ITGA2: variants seen among roughly 807,000 people sequenced by gnomAD.
ITGA2 encodes integrin subunit alpha 2.
In ITGA2, 101 loss-of-function variants were observed where a neutral mutation model predicts 146.3. The ratio of observed to expected loss-of-function variants is 0.69; its 90% CI spans 0.59 to 0.81. The LOEUF is 0.81. Ranked by LOEUF, ITGA2 falls within the 40% of genes least tolerant of loss-of-function variation. The pLI is 0.00. For synonymous variants in ITGA2, 477 were observed against 487.1 expected, an observed-to-expected ratio of 0.98 and a Z score of 0.27; for missense variants, 1,281 against 1,402.7, an observed-to-expected ratio of 0.91 and a Z score of 1.39.
chr5:53,024,143 T>C (rs1158803783), intron 1 of ITGA2, among the ~76,000 whole-genome samples: 1 of 152,200 alleles, frequency 6.6e-6, no homozygotes, highest in East Asian at 1.9e-4. Flanking sequence ...TTAGCCTTCA[T>C]GAGTTTCAGT....
At chr5:53,070,803 C>T (rs1043419823) in intron 17 of ITGA2, among the ~76,000 whole-genome samples, 4 of 151,876 alleles carry the variant, frequency 2.6e-5, no homozygotes, top group South Asian at 4.2e-4. Flanking sequence ...AACTTCCAGC[C>T]GGAAATTTAT....
rs1030322513 is a variant in ITGA2 at position 53,087,133 on chromosome 5, T to C, written c.3348+92T>C. Reference sequence around the variant, plus strand: ...GGGATAGTCACTCTTCTTACCTACATGTATGTAGAAGTATCTTACTAAAAC... The same window carrying C: ...GGGATAGTCACTCTTCTTACCTACACGTATGTAGAAGTATCTTACTAAAAC... On this transcript the variant is annotated intron_variant, in intron 28 of 29. Transcript: ENST00000296585. The C allele has an allele frequency of 2.2e-5, 19 of 853,464 alleles. 1 individual carries two copies. Among genetic ancestry groups the C allele is most frequent in the Non-Finnish European group, 3.6e-5 (18 of 504,682 alleles). 52.9% of individuals were successfully genotyped at this position (853,464 alleles called of 1,614,324 possible).
chr5:53,003,793 G>C (rs1035082489), intron 1 of ITGA2, among the ~76,000 whole-genome samples: 1 of 151,974 alleles, frequency 6.6e-6, no homozygotes, highest in Non-Finnish European at 1.5e-5. Context: ...AATGGTCCTC[G>C]ACCATTCATT....
intron 1 of ITGA2, among the ~76,000 whole-genome samples, chr5:53,007,645 T>G (rs1168778215): frequency 6.6e-6 from 1 of 152,210 alleles, no homozygotes; most frequent in Admixed American, 6.5e-5. Flanking sequence ...TGTATTTCAC[T>G]GTCTTCCTCT....
chr5:53,032,726 G>A (rs1743281758), intron 2 of ITGA2, among the ~76,000 whole-genome samples: 1 of 152,116 alleles, frequency 6.6e-6, no homozygotes. Flanking sequence ...TCCAATGTTA[G>A]CATCATTGGC....
At chr5:53,028,829 C>A (rs117795422) in intron 2 of ITGA2, among the ~76,000 whole-genome samples, 1 of 152,318 alleles carries the variant, frequency 6.6e-6, no homozygotes, top group African/African-American at 2.4e-5. Context: ...TATACCTGGC[C>A]GTTCCTCACT....
rs552287916 is a variant in ITGA2, at chr5:53,092,404, C to T, written c.*1805C>T. The T allele has an allele frequency of 1.3e-5, 2 of 152,244 alleles. No homozygotes were observed. Among genetic ancestry groups the T allele is most frequent in the East Asian group, 1.9e-4 (1 of 5,174 alleles). 9.4% of individuals were successfully genotyped at this position (152,244 alleles called of 1,614,324 possible). On this transcript the variant is annotated 3_prime_UTR_variant, in exon 30 of 30. Coordinates refer to ENST00000296585, the MANE Select transcript of ITGA2 (RefSeq NM_002203.4). ...GGTTATCTGCCCATGTGCATATGGA[C>T]AACCTTGACTACCCTGGCCTGGCCC...
At chr5:53,059,739 A>G in intron 10 of ITGA2, 135 bp from the exon 11 acceptor site, 1 of 858,330 alleles carries the variant, frequency 1.2e-6, no homozygotes, top group South Asian at 1.5e-5. Flanking sequence ...ATTCTACAAT[A>G]TGTCAATATA....
rs771868398 is a variant in ITGA2 at position 53,070,232 on chromosome 5, G to T, written c.2207G>T (p.Ser736Ile). ...QKNMVVNQAQ[S>I]CPEHIIYIQE... is the part of the protein sequence containing the mutation. ...AATATGGTAGTAAATCAAGCACAGAGTTGCCCCGAGCACATCATTTATATA... is the reference window on the plus strand; with the variant it reads ...AATATGGTAGTAAATCAAGCACAGATTTGCCCCGAGCACATCATTTATATA... Residue 736 changes from serine (S) to isoleucine (I), a missense_variant, in exon 17 of 30, where the codon AGT becomes ATT. Physicochemically the swap from Ser to Ile is moderately radical, Grantham distance 142. Transcript: ENST00000296585. 26 of 1,611,836 alleles carry T rather than the reference G, an allele frequency of 1.6e-5. No individual in the cohort carries two copies. Among genetic ancestry groups the T allele is most frequent in the Non-Finnish European group, 2.2e-5 (26 of 1,178,580 alleles).
Position 53,090,764 on chromosome 5 carries a change from G to A in ITGA2, c.*165G>A. The A allele has an allele frequency of 1.8e-6, 1 of 543,986 alleles. No individual in the cohort carries two copies. The allele number at this position is 543,986 out of a possible 1,614,324, so 33.7% of individuals were successfully genotyped here. A position where few individuals can be genotyped will look rare whatever the true frequency, so the allele number is the denominator to read the frequency against. On this transcript the variant is annotated 3_prime_UTR_variant, in exon 30 of 30. Coordinates refer to ENST00000296585, the MANE Select transcript of ITGA2 (RefSeq NM_002203.4). ...CAGGTCAGTTTGGAATGAAGAAATT[G>A]TGGGGGGTGGGGGAGGTGCGGGGGG...
At chr5:53,069,240 GAAGGTAAT>G (rs1027808415) in intron 16 of ITGA2, among the ~76,000 whole-genome samples, 2 of 151,890 alleles carry the variant, frequency 1.3e-5, no homozygotes, top group Non-Finnish European at 2.9e-5. Context: ...GACTTTAGTT[GAAGGTAAT>G]AATTCTGATA....
At chr5:53,013,002 T>C (rs1742217139) in intron 1 of ITGA2, among the ~76,000 whole-genome samples, 1 of 152,104 alleles carries the variant, frequency 6.6e-6, no homozygotes. Flanking sequence ...GGACATTTAA[T>C]CTTTTTCAGA....
chr5:53,040,291 C>T (rs1245502758), intron 2 of ITGA2, among the ~76,000 whole-genome samples: 2 of 152,080 alleles, frequency 1.3e-5, no homozygotes, highest in African/African-American at 4.8e-5. Context: ...ATATGTCCAG[C>T]ATGCAAAAAT....
At position 53,020,848 on chromosome 5, in the gene ITGA2, AT is replaced by A. The variant is rs532121575; in HGVS notation, c.65-5882del. 2.1e-3 allele frequency among the ~76,000 whole-genome samples: 286 copies of A among 133,392 alleles called. 1 individual carries two copies. The highest frequency in any genetic ancestry group is 9.3e-3 in the South Asian group (38 of 4,076). 87.5% of individuals were successfully genotyped at this position (133,392 alleles called of 152,430 possible). ...AGGTATGTGCCACCATGTCCGGCTA[AT>A]TTTTTTTTTTTTTTTTTGTATTTTT... is the stretch of plus-strand genomic sequence containing the variant. On this transcript the variant is annotated intron_variant, in intron 1 of 29. Transcript: ENST00000296585.
rs140178479 is a variant in ITGA2 at position 53,058,036 on chromosome 5, G to A, written c.1108G>A (p.Gly370Arg). The A allele has an allele frequency of 2.9e-5, 46 of 1,610,614 alleles. No homozygotes were observed. The highest frequency in any genetic ancestry group is 3.8e-5 in the Non-Finnish European group (45 of 1,177,572). ...ATTGAATGTTCCAGGTACTGTTCAA[G>A]GAGGAGACAACTTTCAGATGGAAAT... ...QIFSIEGTVQ[G>R]GDNFQMEMSQ... Residue 370 changes from glycine (G) to arginine (R), a missense_variant, in exon 10 of 30, where the codon GGA (glycine) becomes AGA (arginine). Physicochemically the swap from Gly to Arg is moderately radical, Grantham distance 125 (BLOSUM62 -2). Around this residue, in one of 3 missense-constraint regions of ITGA2, gnomAD observed 795 missense variants for 841.7 expected, o/e 0.94. Transcript: ENST00000296585.
intron 2 of ITGA2, among the ~76,000 whole-genome samples, chr5:53,031,282 A>G (rs1262863055): frequency 6.6e-6 from 1 of 152,190 alleles, no homozygotes. Context: ...TTCTTTTTCC[A>G]TGGATTTATC....
intron 1 of ITGA2, among the ~76,000 whole-genome samples, chr5:53,009,126 G>A (rs938059289): frequency 1.3e-4 from 20 of 152,114 alleles, no homozygotes; most frequent in African/African-American, 4.1e-4. Context: ...TGACCTGGGG[G>A]AAGAGATTAT....
At chr5:52,996,377 A>G (rs1216074644) in intron 1 of ITGA2, among the ~76,000 whole-genome samples, 1 of 152,286 alleles carries the variant, frequency 6.6e-6, no homozygotes, top group East Asian at 1.9e-4. Flanking sequence ...TCAGAGAGAA[A>G]GGAGAGGAAG....
At chr5:52,994,656 G>C (rs905791346) in intron 1 of ITGA2, among the ~76,000 whole-genome samples, 2 of 152,164 alleles carry the variant, frequency 1.3e-5, no homozygotes, top group African/African-American at 4.8e-5. Context: ...GAAAGAAATG[G>C]ACTTTGATGT....
Sources: gnomAD v4.1 joint callset for allele counts (sites outside exome capture counted in the v4.1 genomes callset) on GRCh38, gnomAD v4.1.1 for gene constraint, gnomAD v4.1.1 regional missense constraint, MANE v1.5 for transcripts, NCBI Gene and HGNC (gene_info 2026-07-23, HGNC 2026-07-21) for gene names.